The following RAD1 variants were observed in gnomAD, a reference collection of about 807,000 sequenced individuals.
RAD1 encodes RAD1 checkpoint DNA exonuclease, also known as cell cycle checkpoint protein RAD1.
In RAD1, 21 loss-of-function variants were observed where a neutral mutation model predicts 30.0. The observed-to-expected ratio is 0.70, with a 90% confidence interval of 0.50 to 1.01. The LOEUF is 1.01. Among genes scored for constraint, RAD1 ranks in the 50% least tolerant of loss-of-function variants. The pLI is 0.00. For synonymous variants in RAD1, 109 were observed against 113.6 expected (o/e 0.96, Z 0.26); for missense variants, 329 against 329.0 (o/e 1.00, Z 0.00).
Position 34,908,681 on chromosome 5 carries a change from T to C in RAD1, c.*84A>G, listed in dbSNP as rs1177765699. On this transcript the variant is annotated 3_prime_UTR_variant, in exon 6 of 6. Transcript: ENST00000382038. Reference sequence around the variant, plus strand: ...TGCTTCTTCTCTATAGAAAATCCAATATGAAATGACAAAGAGTACTGTACT... The same window carrying C: ...TGCTTCTTCTCTATAGAAAATCCAACATGAAATGACAAAGAGTACTGTACT... The C allele has an allele frequency of 8.0e-7, 1 of 1,249,858 alleles. No individual in the cohort carries two copies. The highest frequency in any genetic ancestry group is 1.1e-6 in the Non-Finnish European group (1 of 900,186). 77.4% of individuals were successfully genotyped at this position (1,249,858 alleles called of 1,614,324 possible).
At chr5:34,910,970 G>C (rs41271715) in intron 4 of RAD1, among the ~76,000 whole-genome samples, 1 of 152,162 alleles carries the variant, frequency 6.6e-6, no homozygotes, top group African/African-American at 2.4e-5. Flanking sequence ...AGCCAGCCTT[G>C]AGCAATCCTC....
At chr5:34,913,834 G>C (rs926999435) in intron 2 of RAD1, 1 of 504,480 alleles carries the variant, frequency 2.0e-6, no homozygotes, top group Non-Finnish European at 3.8e-6. Flanking sequence ...AGGTCACTTG[G>C]AAAATAGACG....
intron 4 of RAD1, 114 bp downstream of exon 4, chr5:34,911,440 A>G: frequency 7.7e-7 from 1 of 1,291,124 alleles, no homozygotes; most frequent in Non-Finnish European, 1.1e-6. Context: ...AGCTGTCTAA[A>G]GTTGTGAAAA....
chr5:34,914,536 C>G, intron 2 of RAD1, 159 bp downstream of exon 2: 1 of 712,018 alleles, frequency 1.4e-6, no homozygotes, highest in Non-Finnish European at 2.2e-6. Flanking sequence ...ACGTTTTGTT[C>G]TCTAACTTAA....
At position 34,911,811 on chromosome 5, in the gene RAD1, C is replaced by T; in HGVS notation, c.309G>A (p.Gly103=). Residue 103 remains glycine (G), a splice_region_variant and synonymous_variant, in exon 4 of 6, where the codon GGG becomes GGA. Coordinates refer to ENST00000382038, the MANE Select transcript of RAD1 (RefSeq NM_002853.4). ...AACACATTCGAAGTGCAGTTAAAGT[C>T]CCTGCAATGGAAAGAAGTCATACTT... ...LSIFGSSPMP[G]TLTALRMCYQ... is the part of the protein sequence containing the mutation. 1 of 1,613,948 alleles carries T rather than the reference C, an allele frequency of 6.2e-7. No individual in the cohort carries two copies. The highest frequency in any genetic ancestry group is 8.5e-7 in the Non-Finnish European group (1 of 1,179,918).
intron 1 of RAD1, 92 bp from the exon 2 acceptor site, chr5:34,915,053 G>T: frequency 1.5e-6 from 1 of 683,382 alleles, no homozygotes; most frequent in Non-Finnish European, 2.4e-6. Context: ...CTGGGAGGCT[G>T]AACACGGCTG....
rs1309514442 is a variant in RAD1, at chr5:34,905,369, C to T, written c.*3396G>A. 1 of 152,232 alleles carries T rather than the reference C, an allele frequency of 6.6e-6. No individual in the cohort carries two copies. The highest frequency in any genetic ancestry group is 1.5e-5 in the Non-Finnish European group (1 of 68,048). 9.4% of individuals were successfully genotyped at this position (152,232 alleles called of 1,614,324 possible). On this transcript the variant is annotated 3_prime_UTR_variant, in exon 6 of 6. Coordinates refer to ENST00000382038, the MANE Select transcript of RAD1 (RefSeq NM_002853.4). ...ATGTTCTGAAGGACTGCCTACCCCA[C>T]TGTTGAGAGTGCCACATTCTGCCCT...
intron 5 of RAD1, 28 bp from the exon 6 acceptor site, chr5:34,908,976 A>T: frequency 6.4e-7 from 1 of 1,563,258 alleles, no homozygotes; most frequent in East Asian, 2.2e-5. Flanking sequence ...AAACGCTGTT[A>T]TATCAACACA....
chr5:34,911,712 T>C lies in RAD1; in HGVS notation c.408A>G (p.Thr136=), dbSNP rs766500200. The C allele has an allele frequency of 2.5e-6, 4 of 1,614,130 alleles. No homozygotes were observed. In the South Asian group the frequency reaches 4.4e-5, roughly 18 times the overall value. The change falls in exon 4 of 6, where the codon ACA becomes ACG. Residue 136 remains threonine, a synonymous_variant. Transcript: ENST00000382038. ...GGVVTVCKIN[T]QEPEETLDFD... The stretch of plus-strand genomic sequence containing the variant: ...AGTCCAGGGTCTCCTCAGGTTCCTG[T>C]GTATTGATTTTGCAGACTGTCACCA...
chr5:34,912,308 C>G (rs1184352037), intron 3 of RAD1, among the ~76,000 whole-genome samples: 4 of 152,066 alleles, frequency 2.6e-5, no homozygotes, highest in Non-Finnish European at 4.4e-5. Flanking sequence ...ATTTAAAAAT[C>G]AAATTGAGAG....
rs369481365 is a variant in RAD1 at position 34,909,281 on chromosome 5, A to G, written c.642T>C (p.His214=). 5.0e-6 allele frequency: 8 copies of G among 1,610,508 alleles called. No homozygotes were observed. The African/African-American group carries it at 1.1e-4, about 22-fold the overall frequency. Residue 214 remains histidine (H), a synonymous_variant, in exon 5 of 6, where the codon CAT becomes CAC. Coordinates refer to ENST00000382038, the MANE Select transcript of RAD1 (RefSeq NM_002853.4). Reference sequence around the variant, plus strand: ...ACCTGTTGACTTGGGTCTGATTACAATGAAATGCTTCCATCAAATCAGAAT... The same window carrying G: ...ACCTGTTGACTTGGGTCTGATTACAGTGAAATGCTTCCATCAAATCAGAAT... ...PKDSDLMEAF[H]CNQTQVNRYK...
chr5:34,915,022 G>A (rs1004878058), intron 1 of RAD1, 61 bp from the exon 2 acceptor site: 33 of 942,938 alleles, frequency 3.5e-5, no homozygotes, highest in Non-Finnish European at 4.9e-5. Context: ...AGCTCCACCT[G>A]CGCTGAGAGG....
At chr5:34,914,241 G>GTTCTT in intron 2 of RAD1, among the ~76,000 whole-genome samples, 1 of 152,300 alleles carries the variant, frequency 6.6e-6, no homozygotes, top group South Asian at 2.1e-4. Context: ...ATATATTCTG[G>GTTCTT]AAACAAATAT....
chr5:34,914,552 T>C, intron 2 of RAD1, 143 bp downstream of exon 2: 1 of 755,296 alleles, frequency 1.3e-6, no homozygotes, highest in Non-Finnish European at 2.1e-6. Flanking sequence ...CTTAAGACTA[T>C]TATTTATTTA....
In RAD1 at chr5:34,906,431, G is replaced by A. The variant is rs1300083476; in HGVS notation, c.*2334C>T. 1.3e-5 allele frequency: 2 copies of A among 152,104 alleles called. No homozygotes were observed. Among genetic ancestry groups the A allele is most frequent in the Admixed American group, 1.3e-4 (2 of 15,252 alleles). 9.4% of individuals were successfully genotyped at this position (152,104 alleles called of 1,614,324 possible). On this transcript the variant is annotated 3_prime_UTR_variant, in exon 6 of 6. Coordinates refer to ENST00000382038, the MANE Select transcript of RAD1 (RefSeq NM_002853.4). The stretch of plus-strand genomic sequence containing the variant: ...AGGCGGGTGGATTGCTTGAGCTCAG[G>A]AGTTCAAGATTAGCCTAGGGAACAT...
chr5:34,914,899 C>G lies in RAD1; in HGVS notation c.-7G>C, dbSNP rs774295323. On this transcript the variant is annotated 5_prime_UTR_variant, in exon 2 of 6. Coordinates refer to ENST00000382038, the MANE Select transcript of RAD1 (RefSeq NM_002853.4). ...GTTGGGTCAGAAGGGGCATCGTCCA[C>G]TGCGCATTCGGCCCCGAGGGATGCT... 4 of 1,614,050 alleles carry G rather than the reference C, an allele frequency of 2.5e-6. No homozygotes were observed. Among genetic ancestry groups the G allele is most frequent in the Non-Finnish European group, 3.4e-6 (4 of 1,180,020 alleles).
chr5:34,913,927 C>G, intron 2 of RAD1: 1 of 457,018 alleles, frequency 2.2e-6, no homozygotes, highest in South Asian at 1.6e-5. Flanking sequence ...CTATGATTAC[C>G]CAGGCTGGTC....
At position 34,908,336 on chromosome 5, in the gene RAD1, G is replaced by C. The variant is rs1763718508; in HGVS notation, c.*429C>G. 1 of 152,522 alleles carries C rather than the reference G, an allele frequency of 6.6e-6. No individual in the cohort carries two copies. The highest frequency in any genetic ancestry group is 1.5e-5 in the Non-Finnish European group (1 of 68,404). 9.4% of individuals were successfully genotyped at this position (152,522 alleles called of 1,614,324 possible). A position where few individuals can be genotyped will look rare whatever the true frequency, so the allele number is the denominator to read the frequency against. On this transcript the variant is annotated 3_prime_UTR_variant, in exon 6 of 6. Transcript: ENST00000382038. ...TTACAGGCATGTGCCACCACGTCCG[G>C]CTAATTTTTTGTATTTTTAGTAGAG... is the stretch of plus-strand genomic sequence containing the variant.
In RAD1 at chr5:34,907,343, G is replaced by C. The variant is rs1763684447; in HGVS notation, c.*1422C>G. 1.3e-5 allele frequency: 2 copies of C among 152,142 alleles called. No individual in the cohort carries two copies. The highest frequency in any genetic ancestry group is 4.8e-5 in the African/African-American group (2 of 41,424). The allele number at this position is 152,142 out of a possible 1,614,324, so 9.4% of individuals were successfully genotyped here. Reference sequence around the variant, plus strand: ...GCATCAGTGGGTAAGGGCCAGAAAGGCTAAATGAATCCTGCAATGGGATGA... The same window carrying C: ...GCATCAGTGGGTAAGGGCCAGAAAGCCTAAATGAATCCTGCAATGGGATGA... On this transcript the variant is annotated 3_prime_UTR_variant, in exon 6 of 6. Coordinates refer to ENST00000382038, the MANE Select transcript of RAD1 (RefSeq NM_002853.4).
Sources: allele counts gnomAD v4.1 joint callset (sites outside exome capture counted in the v4.1 genomes callset), GRCh38; gene constraint gnomAD v4.1.1; transcripts MANE v1.5; gene names NCBI Gene and HGNC (gene_info 2026-07-23, HGNC 2026-07-21).